The following LSAMP variants were observed in gnomAD, a reference collection of about 807,000 sequenced individuals.
LSAMP encodes limbic system associated membrane protein.
LSAMP carries 7 observed loss-of-function variants against 38.6 expected under a neutral mutation model. The ratio of observed to expected loss-of-function variants is 0.18; its 90% confidence interval spans 0.10 to 0.34. The LOEUF is 0.34. LSAMP is among the 10% of genes least tolerant of loss of function. LSAMP has a pLI of 1.00. For synonymous variants in LSAMP, 154 were observed against 166.8 expected (o/e 0.92, Z 0.59); for missense variants, 313 against 420.0 (o/e 0.75, Z 2.23).
chr3:116,288,659 C>T (rs2047222644), intron 1 of LSAMP, among the ~76,000 whole-genome samples: 1 of 152,174 alleles, frequency 6.6e-6, no homozygotes, highest in Non-Finnish European at 1.5e-5. Context: ...CTAACTTCCC[C>T]AAACATGCGG....
chr3:116,240,726 AAT>A (rs1408250490), intron 1 of LSAMP, among the ~76,000 whole-genome samples: 1 of 152,218 alleles, frequency 6.6e-6, no homozygotes, highest in African/African-American at 2.4e-5. Flanking sequence ...GTAAGAAAAA[AAT>A]ATGTTTTTAT....
At chr3:116,377,232 A>G (rs183788793) in intron 1 of LSAMP, among the ~76,000 whole-genome samples, 2 of 151,562 alleles carry the variant, frequency 1.3e-5, no homozygotes, top group Non-Finnish European at 2.9e-5. Flanking sequence ...CCCTTCCCCA[A>G]CCCCACCCTT....
chr3:116,170,156 T>G (rs1405860199), intron 1 of LSAMP, among the ~76,000 whole-genome samples: 5 of 152,196 alleles, frequency 3.3e-5, no homozygotes, highest in African/African-American at 1.2e-4. Context: ...AGCCTCTATG[T>G]ATAAGATTAG....
chr3:115,819,815 A>G (rs9859738), intron 6 of LSAMP, among the ~76,000 whole-genome samples: 2,721 of 152,256 alleles, frequency 0.018, 89 homozygotes, highest in African/African-American at 0.063. Context: ...TTGGGATTCC[A>G]TTTTTCTTTA....
At chr3:116,434,963 C>G (rs1307273101) in intron 1 of LSAMP, among the ~76,000 whole-genome samples, 3 of 152,198 alleles carry the variant, frequency 2.0e-5, no homozygotes, top group Non-Finnish European at 4.4e-5. Flanking sequence ...ATTCTGCCAA[C>G]TCCATGAAGT....
At chr3:115,971,709 T>C (rs1204665634) in intron 3 of LSAMP, among the ~76,000 whole-genome samples, 1 of 152,200 alleles carries the variant, frequency 6.6e-6, no homozygotes, top group African/African-American at 2.4e-5. Context: ...ATTATCACCA[T>C]GGAAATTTCC....
chr3:116,063,871 C>T (rs1220739375), intron 2 of LSAMP, among the ~76,000 whole-genome samples: 2 of 152,122 alleles, frequency 1.3e-5, no homozygotes, highest in East Asian at 3.9e-4. Flanking sequence ...TATTATGTTG[C>T]GTCTAAACCA....
intron 1 of LSAMP, among the ~76,000 whole-genome samples, chr3:116,235,659 T>C (rs563365143): frequency 6.6e-6 from 1 of 152,338 alleles, no homozygotes; most frequent in South Asian, 2.1e-4. Context: ...GCACTTTATA[T>C]GTTATTTCAT....
chr3:116,259,450 A>G (rs1372471350), intron 1 of LSAMP, among the ~76,000 whole-genome samples: 2 of 152,150 alleles, frequency 1.3e-5, no homozygotes, highest in Non-Finnish European at 2.9e-5. Flanking sequence ...GACAGTCCAC[A>G]AGATAAACTA....
intron 1 of LSAMP, among the ~76,000 whole-genome samples, chr3:116,154,336 A>G (rs1439429520): frequency 1.3e-5 from 2 of 152,268 alleles, no homozygotes; most frequent in East Asian, 1.9e-4. Flanking sequence ...TTTTAATAAC[A>G]AAAGTTGGAA....
rs567036848 is a variant in LSAMP at position 116,070,443 on chromosome 3, G to A, written c.388+15881C>T. Among the ~76,000 whole-genome samples the A allele has an allele frequency of 4.6e-5, 7 of 152,244 alleles. No individual in the cohort carries two copies. The South Asian group carries it at 6.2e-4, about 14-fold the overall frequency. Reference sequence around the variant, plus strand: ...GAAGAGATCAAAACAAGATAAGATCGAATAAGAATTCTGGATACCAGTAAA... The same window carrying A: ...GAAGAGATCAAAACAAGATAAGATCAAATAAGAATTCTGGATACCAGTAAA... On this transcript the variant is annotated intron_variant, in intron 2 of 6. Coordinates refer to ENST00000490035, the MANE Select transcript of LSAMP (RefSeq NM_002338.5).
intron 1 of LSAMP, among the ~76,000 whole-genome samples, chr3:116,438,747 GAGAC>G (rs1311756482): frequency 2.6e-5 from 4 of 152,134 alleles, no homozygotes; most frequent in African/African-American, 9.7e-5. Context: ...ACCCAAATGA[GAGAC>G]AGCACAGAAT....
At chr3:116,201,727 C>T (rs1236291365) in intron 1 of LSAMP, among the ~76,000 whole-genome samples, 3 of 152,140 alleles carry the variant, frequency 2.0e-5, no homozygotes, top group African/African-American at 4.8e-5. Context: ...TGTTCAAGTA[C>T]GGTGGACTTT....
chr3:116,445,323 C>A lies in LSAMP; in HGVS notation c.-292G>T. On this transcript the variant is annotated 5_prime_UTR_variant, in exon 1 of 7. Coordinates refer to ENST00000490035, the MANE Select transcript of LSAMP (RefSeq NM_002338.5). ...CCTCTGGAAGAGCTGAAGAGGAAGC[C>A]AAAGGAAAGGGTTCTTGTTTGGTCT... is the stretch of plus-strand genomic sequence containing the variant. The A allele has an allele frequency of 1.8e-6, 1 of 559,578 alleles. No individual in the cohort carries two copies. The highest frequency in any genetic ancestry group is 2.5e-5 in the South Asian group (1 of 40,526). 34.7% of individuals were successfully genotyped at this position (559,578 alleles called of 1,614,324 possible). A position where few individuals can be genotyped will look rare whatever the true frequency, so the allele number is the denominator to read the frequency against.
chr3:116,065,886 A>T (rs577330570), intron 2 of LSAMP, among the ~76,000 whole-genome samples: 1 of 152,304 alleles, frequency 6.6e-6, no homozygotes, highest in South Asian at 2.1e-4. Flanking sequence ...GAACTTGGAT[A>T]GTTATTTATT....
At chr3:116,277,533 C>CTAAT (rs999384598) in intron 1 of LSAMP, among the ~76,000 whole-genome samples, 2 of 152,050 alleles carry the variant, frequency 1.3e-5, no homozygotes, top group African/African-American at 2.4e-5. Flanking sequence ...CCACGCCTGG[C>CTAAT]TAATTTTTTT....
At chr3:116,353,800 C>T (rs899554577) in intron 1 of LSAMP, among the ~76,000 whole-genome samples, 14 of 151,960 alleles carry the variant, frequency 9.2e-5, no homozygotes, top group Admixed American at 3.3e-4. Context: ...TATATGAGCA[C>T]GTTGACACAA....
At chr3:116,181,799 C>G (rs750531177) in intron 1 of LSAMP, among the ~76,000 whole-genome samples, 3 of 151,894 alleles carry the variant, frequency 2.0e-5, no homozygotes, top group Non-Finnish European at 4.4e-5. Context: ...CAGATGTCTA[C>G]GCATCTGATT....
At chr3:116,254,345 A>G (rs1401749402) in intron 1 of LSAMP, among the ~76,000 whole-genome samples, 2 of 152,172 alleles carry the variant, frequency 1.3e-5, no homozygotes, top group Admixed American at 6.5e-5. Flanking sequence ...GAAAAGAAAT[A>G]TGATGTAATG....
Sources: gnomAD v4.1 joint callset for allele counts (sites outside exome capture counted in the v4.1 genomes callset) on GRCh38, gnomAD v4.1.1 for gene constraint, MANE v1.5 for transcripts, NCBI Gene and HGNC (gene_info 2026-07-23, HGNC 2026-07-21) for gene names.